The following NLRP14 variants were observed in gnomAD, a reference collection of about 807,000 sequenced individuals.
The protein encoded by NLRP14 is NACHT, LRR and PYD domains-containing protein 14.
NLRP14 carries 105 observed loss-of-function variants against 94.7 expected under a neutral mutation model. That is an observed-to-expected ratio of 1.11 (90% confidence interval 0.95 to 1.30). The LOEUF is 1.30. NLRP14 is among the 50% of genes most tolerant of loss of function. The pLI, the probability that NLRP14 is intolerant of heterozygous loss-of-function variation, is 0.00. For synonymous variants in NLRP14, 508 were observed against 459.9 expected, an observed-to-expected ratio of 1.10 and a Z score of -1.34; for missense variants, 1,362 against 1,254.1, an observed-to-expected ratio of 1.09 and a Z score of -1.30.
chr11:7,088,982 C>G, the NLRP14 span: 2 of 1,011,934 alleles, frequency 2.0e-6, no homozygotes, highest in Non-Finnish European at 2.9e-6. Context: ...CAGCGGGGCT[C>G]CGGCTGCGGT....
At chr11:7,034,020 G>C (rs1254299578) in intron 1 of NLRP14, among the ~76,000 whole-genome samples, 1 of 152,112 alleles carries the variant, frequency 6.6e-6, no homozygotes, top group Non-Finnish European at 1.5e-5. Context: ...TCACTAAAAA[G>C]TTTCTCCACT....
In NLRP14 at chr11:7,043,724, A is replaced by G. The variant is rs1852307918; in HGVS notation, c.1698A>G (p.Val566=). The G allele has an allele frequency of 6.2e-7, 1 of 1,614,070 alleles. No individual in the cohort carries two copies. Among genetic ancestry groups the G allele is most frequent in the Non-Finnish European group, 8.5e-7 (1 of 1,179,996 alleles). ...IKSKLLQCME[V]LGNSDYSPSQ... is the part of the protein sequence containing the mutation. ...CAAAGTTACTTCAGTGTATGGAAGT[A>G]TTAGGAAACAGTGACTATTCTCCAT... Residue 566 remains valine, a synonymous_variant, in exon 4 of 12, where the codon GTA becomes GTG. Coordinates refer to ENST00000299481, the MANE Select transcript of NLRP14 (RefSeq NM_176822.4).
the NLRP14 span, among the ~76,000 whole-genome samples, chr11:7,076,703 C>G: frequency 1.3e-5 from 2 of 152,056 alleles, no homozygotes; most frequent in African/African-American, 4.8e-5. Context: ...TTTTCTACCA[C>G]TATCACAGAT....
chr11:7,058,486 T>A (rs764115880), intron 8 of NLRP14, 36 bp downstream of exon 8: 7 of 1,464,304 alleles, frequency 4.8e-6, no homozygotes, highest in Non-Finnish European at 5.7e-6. Context: ...TAATATATAT[T>A]GTACATTTTG....
intron 1 of NLRP14, among the ~76,000 whole-genome samples, chr11:7,038,017 C>T (rs17194591): frequency 0.15 from 22,992 of 152,042 alleles, 2,142 homozygotes; most frequent in Non-Finnish European, 0.21. Flanking sequence ...AATGACATGA[C>T]AAGAAGAGGT....
At chr11:7,028,490 G>A (rs1174418716) in intron 1 of NLRP14, among the ~76,000 whole-genome samples, 1 of 152,074 alleles carries the variant, frequency 6.6e-6, no homozygotes, top group Non-Finnish European at 1.5e-5. Context: ...TGCCATTGCT[G>A]TACTCCAGGA....
At chr11:7,044,052 AG>A in intron 4 of NLRP14, 68 bp downstream of exon 4, 1 of 1,509,648 alleles carries the variant, frequency 6.6e-7, no homozygotes. Flanking sequence ...TGTCAGAGGG[AG>A]GAGGCGTTTA....
At position 7,062,315 on chromosome 11, in the gene NLRP14, CTATTG is replaced by C; in HGVS notation, c.2805-15_2805-11del. On this transcript the variant is annotated splice_polypyrimidine_tract_variant and intron_variant, in intron 9 of 11. Coordinates refer to ENST00000299481, the MANE Select transcript of NLRP14 (RefSeq NM_176822.4). ...CTCACAATGGAAGGATTCACTTTTC[CTATTG>C]TAATTCTTACAGATTGATGGGCTGT... 6.2e-7 allele frequency: 1 copy of C among 1,605,594 alleles called. No homozygotes were observed. Among genetic ancestry groups the C allele is most frequent in the South Asian group, 1.1e-5 (1 of 90,900 alleles).
At chr11:7,079,480 A>T in the NLRP14 span, among the ~76,000 whole-genome samples, 18 of 152,346 alleles carry the variant, frequency 1.2e-4, 1 homozygote, top group East Asian at 3.3e-3. Flanking sequence ...ATAAACACAT[A>T]TTCATCAATT....
At chr11:7,031,291 C>T (rs866697543) in intron 1 of NLRP14, among the ~76,000 whole-genome samples, 3 of 152,202 alleles carry the variant, frequency 2.0e-5, no homozygotes, top group Non-Finnish European at 2.9e-5. Context: ...AAGTTGGGTT[C>T]TGTGCGAGTC....
At chr11:7,065,785 G>A (rs1277296081) in intron 10 of NLRP14, among the ~76,000 whole-genome samples, 4 of 151,808 alleles carry the variant, frequency 2.6e-5, no homozygotes, top group Non-Finnish European at 4.4e-5. Flanking sequence ...AGGTATACAC[G>A]TGCCACGGTG....
At chr11:7,077,659 C>T in the NLRP14 span, among the ~76,000 whole-genome samples, 1 of 152,204 alleles carries the variant, frequency 6.6e-6, no homozygotes, top group Non-Finnish European at 1.5e-5. Context: ...ACAATCATGG[C>T]AGAAGGTGAA....
downstream of NLRP14, among the ~76,000 whole-genome samples, chr11:7,074,076 A>T (rs1463951048): frequency 6.6e-6 from 1 of 152,180 alleles, no homozygotes; most frequent in Non-Finnish European, 1.5e-5. Flanking sequence ...TCTCATTAGC[A>T]TACAAAAACA....
chr11:7,083,934 A>G, the NLRP14 span, among the ~76,000 whole-genome samples: 1 of 152,228 alleles, frequency 6.6e-6, no homozygotes, highest in African/African-American at 2.4e-5. Flanking sequence ...CCACATGGTC[A>G]GGCCATTGGT....
the NLRP14 span, among the ~76,000 whole-genome samples, chr11:7,083,494 C>T: frequency 6.6e-6 from 1 of 152,304 alleles, no homozygotes; most frequent in Non-Finnish European, 1.5e-5. Flanking sequence ...AAAGCCAAGT[C>T]CAGTGTCTAT....
intron 10 of NLRP14, among the ~76,000 whole-genome samples, chr11:7,066,856 A>T (rs1471343042): frequency 6.6e-6 from 1 of 152,036 alleles, no homozygotes; most frequent in Non-Finnish European, 1.5e-5. Flanking sequence ...TCCATCTTGA[A>T]TTAATTTTGT....
At position 7,057,823 on chromosome 11, in the gene NLRP14, CAA is replaced by C; in HGVS notation, c.2440_2441del (p.Lys814ValfsTer19). On this transcript the variant is annotated frameshift_variant, in exon 7 of 12. Coordinates refer to ENST00000299481, the MANE Select transcript of NLRP14 (RefSeq NM_176822.4). LOFTEE classifies it high-confidence loss of function. ...CTTTTGTGTGAGGCCTTAAGACATC[CAA>C]AGTGTTATCTAGAGAGACTGTCGTG... 1.2e-6 allele frequency: 2 copies of C among 1,612,116 alleles called. No individual in the cohort carries two copies. Among genetic ancestry groups the C allele is most frequent in the Non-Finnish European group, 1.7e-6 (2 of 1,178,358 alleles).
chr11:7,046,539 G>A lies in NLRP14; in HGVS notation c.1959-129G>A. ...GACTTCCTGGTGGACTGTGCCCACG[G>A]TGGAGCTGCACTGGATGCTCTTGCC... On this transcript the variant is annotated intron_variant, in intron 4 of 11. Coordinates refer to ENST00000299481, the MANE Select transcript of NLRP14 (RefSeq NM_176822.4). The A allele has an allele frequency of 9.6e-6, 8 of 831,628 alleles. No individual in the cohort carries two copies. The Middle Eastern group carries it at 2.0e-3, about 210-fold the overall frequency. The allele number at this position is 831,628 out of a possible 1,614,324, so 51.5% of individuals were successfully genotyped here.
intron 10 of NLRP14, among the ~76,000 whole-genome samples, chr11:7,068,401 G>A (rs76816380): frequency 0.047 from 7,083 of 152,134 alleles, 224 homozygotes; most frequent in East Asian, 0.13. Context: ...AAATTTTGAT[G>A]TTGTATGCAG....
Sources: allele counts gnomAD v4.1 joint callset (sites outside exome capture counted in the v4.1 genomes callset), GRCh38; gene constraint gnomAD v4.1.1; transcripts MANE v1.5; gene names NCBI Gene and HGNC (gene_info 2026-07-23, HGNC 2026-07-21).